MYO5A: variants seen among roughly 807,000 people sequenced by gnomAD.
The protein encoded by MYO5A is myosin VA, also known as unconventional myosin-Va.
Under a neutral mutation model 249.7 loss-of-function variants are expected in MYO5A, and 98 were observed. The observed-to-expected ratio is 0.39, with a 90% CI of 0.33 to 0.46. The LOEUF (loss-of-function observed/expected upper bound fraction) is 0.46. Ranked by LOEUF, MYO5A falls within the 20% of genes least tolerant of loss-of-function variation. The pLI is 0.98. For missense variants in MYO5A, 1,696 were observed against 2,308.8 expected, an observed-to-expected ratio of 0.73 and a Z score of 5.44; for synonymous variants, 778 against 810.6, an observed-to-expected ratio of 0.96 and a Z score of 0.68.
intron 16 of MYO5A, among the ~76,000 whole-genome samples, chr15:52,381,589 T>C (rs1230646887): frequency 6.6e-6 from 1 of 152,190 alleles, no homozygotes; most frequent in Non-Finnish European, 1.5e-5. Flanking sequence ...ACAACTTAAA[T>C]GGCCATCAGT....
chr15:52,400,279 C>T (rs2042691515), intron 9 of MYO5A, among the ~76,000 whole-genome samples: 1 of 152,072 alleles, frequency 6.6e-6, no homozygotes, highest in African/African-American at 2.4e-5. Context: ...CATCCCATTC[C>T]AATTTATCCT....
intron 9 of MYO5A, among the ~76,000 whole-genome samples, chr15:52,399,095 G>A (rs144830973): frequency 4.6e-4 from 69 of 150,578 alleles, no homozygotes; most frequent in African/African-American, 1.7e-3. Context: ...ATTACATCAA[G>A]ATTGTTAACT....
At chr15:52,323,273 A>C in intron 37 of MYO5A, 82 bp downstream of exon 37, 2 of 1,291,358 alleles carry the variant, frequency 1.5e-6, no homozygotes, top group East Asian at 4.7e-5. Context: ...TAAATGGTTA[A>C]ACATTTTGTG....
chr15:52,310,143 C>T lies in MYO5A; in HGVS notation c.*3553G>A, dbSNP rs2037732322. On this transcript the variant is annotated 3_prime_UTR_variant, in exon 42 of 42. Coordinates refer to ENST00000399233, the MANE Select transcript of MYO5A (RefSeq NM_001382347.1). The stretch of plus-strand genomic sequence containing the variant: ...GCAAATTCTCCAAACTGACAATAAT[C>T]CCCAAATTCCCTATCAGTTGGCTTC... 6.6e-6 allele frequency: 1 copy of T among 152,210 alleles called. No homozygotes were observed. Among genetic ancestry groups the T allele is most frequent in the African/African-American group, 2.4e-5 (1 of 41,454 alleles). 9.4% of individuals were successfully genotyped at this position (152,210 alleles called of 1,614,324 possible). A position where few individuals can be genotyped will look rare whatever the true frequency, so the allele number is the denominator to read the frequency against.
At chr15:52,439,994 A>T (rs1368150071) in intron 1 of MYO5A, among the ~76,000 whole-genome samples, 1 of 152,282 alleles carries the variant, frequency 6.6e-6, no homozygotes, top group Non-Finnish European at 1.5e-5. Context: ...GCTAGCACAG[A>T]TTTAACCTGC....
chr15:52,356,388 A>C (rs187963099), intron 25 of MYO5A, among the ~76,000 whole-genome samples: 82 of 152,246 alleles, frequency 5.4e-4, no homozygotes, highest in African/African-American at 1.9e-3. Context: ...ATTTTTTCTT[A>C]GTCTTTTTCT....
chr15:52,509,559 A>C (rs2077348683), intron 1 of MYO5A, among the ~76,000 whole-genome samples: 1 of 152,150 alleles, frequency 6.6e-6, no homozygotes, highest in African/African-American at 2.4e-5. Flanking sequence ...CTGGCAGACA[A>C]CCCCACCTGG....
At chr15:52,375,853 G>A (rs1488021248) in intron 19 of MYO5A, among the ~76,000 whole-genome samples, 2 of 152,148 alleles carry the variant, frequency 1.3e-5, no homozygotes, top group Admixed American at 6.5e-5. Flanking sequence ...AGCTTTCTTG[G>A]ATCTAGCCAT....
At chr15:52,370,505 A>T in intron 21 of MYO5A, 88 bp from the exon 22 acceptor site, 1 of 1,375,106 alleles carries the variant, frequency 7.3e-7, no homozygotes, top group Non-Finnish European at 1.0e-6. Context: ...CATCATATTC[A>T]TGCTATATCA....
At chr15:52,490,348 T>G (rs138594136) in intron 1 of MYO5A, among the ~76,000 whole-genome samples, 2 of 152,192 alleles carry the variant, frequency 1.3e-5, no homozygotes, top group African/African-American at 4.8e-5. Context: ...TGTCCATCAA[T>G]GGATGAATAG....
At chr15:52,373,277 T>C (rs562769384) in intron 20 of MYO5A, among the ~76,000 whole-genome samples, 2 of 152,314 alleles carry the variant, frequency 1.3e-5, no homozygotes, top group South Asian at 4.1e-4. Flanking sequence ...AAACATTTTC[T>C]AGGAAAGATG....
chr15:52,519,868 T>A (rs2077579505), intron 1 of MYO5A, among the ~76,000 whole-genome samples: 1 of 151,838 alleles, frequency 6.6e-6, no homozygotes, highest in Non-Finnish European at 1.5e-5. Context: ...GTAGCTGGGA[T>A]TACAGGCACA....
At chr15:52,513,045 C>T (rs1347442577) in intron 1 of MYO5A, among the ~76,000 whole-genome samples, 1 of 151,714 alleles carries the variant, frequency 6.6e-6, no homozygotes, top group Non-Finnish European at 1.5e-5. Context: ...ATGATTGCTA[C>T]ACATAGTAAA....
At chr15:52,462,298 A>C (rs1284771499) in intron 1 of MYO5A, among the ~76,000 whole-genome samples, 1 of 151,936 alleles carries the variant, frequency 6.6e-6, no homozygotes, top group Non-Finnish European at 1.5e-5. Flanking sequence ...CAAAACCCAC[A>C]ATTTCTACTT....
chr15:52,337,764 T>C, intron 33 of MYO5A, 46 bp downstream of exon 33: 2 of 1,400,874 alleles, frequency 1.4e-6, no homozygotes, highest in East Asian at 5.0e-5. Flanking sequence ...CAGAGGGCTA[T>C]AAGTAGCAAG....
At chr15:52,508,632 C>G (rs1363881891) in intron 1 of MYO5A, among the ~76,000 whole-genome samples, 1 of 152,164 alleles carries the variant, frequency 6.6e-6, no homozygotes, top group Non-Finnish European at 1.5e-5. Context: ...CACCCCCACC[C>G]CCTGCCAAAA....
intron 1 of MYO5A, among the ~76,000 whole-genome samples, chr15:52,507,803 C>CAAAAAAAAAAAAAAAAAAAAAAAA (rs146846192): frequency 1.6e-5 from 2 of 127,162 alleles, no homozygotes; most frequent in Non-Finnish European, 3.2e-5. Flanking sequence ...GACCCTGTCC[C>CAAAAAAAAAAAAAAAAAAAAAAAA]CAAAAAAAAA....
chr15:52,367,334 C>G (rs529696793), intron 22 of MYO5A, among the ~76,000 whole-genome samples: 2 of 152,298 alleles, frequency 1.3e-5, no homozygotes, highest in African/African-American at 4.8e-5. Flanking sequence ...GCTGTCTTTT[C>G]CCTGTGCTAC....
chr15:52,337,760 G>A, intron 33 of MYO5A, 50 bp downstream of exon 33: 3 of 1,357,722 alleles, frequency 2.2e-6, no homozygotes, highest in Admixed American at 2.1e-5. Context: ...GTTACAGAGG[G>A]CTATAAGTAG....
Sources: gnomAD v4.1 joint callset for allele counts (sites outside exome capture counted in the v4.1 genomes callset) on GRCh38, gnomAD v4.1.1 for gene constraint, MANE v1.5 for transcripts, NCBI Gene and HGNC (gene_info 2026-07-23, HGNC 2026-07-21) for gene names.